Variants in ADAM22 observed in about 807,000 individuals in gnomAD.
ADAM22 encodes disintegrin and metalloproteinase domain-containing protein 22.
ADAM22 carries 65 observed loss-of-function variants against 144.6 expected under a neutral mutation model. The observed-to-expected ratio is 0.45, with a 90% CI of 0.37 to 0.55. The LOEUF (loss-of-function observed/expected upper bound fraction) is 0.55, where lower values mean the gene tolerates loss of function less well. Ranked by LOEUF, ADAM22 falls within the 20% of genes least tolerant of loss-of-function variation. The pLI, the probability that ADAM22 is intolerant of heterozygous loss-of-function variation, is 0.00. For synonymous variants in ADAM22, 391 were observed against 412.6 expected, an observed-to-expected ratio of 0.95 and a Z score of 0.63; for missense variants, 974 against 1,184.9, an observed-to-expected ratio of 0.82 and a Z score of 2.61.
At chr7:88,086,667 A>G (rs1253871507) in intron 4 of ADAM22, among the ~76,000 whole-genome samples, 12 of 152,242 alleles carry the variant, frequency 7.9e-5, no homozygotes, top group Non-Finnish European at 1.6e-4. Context: ...ATTTTAAAGT[A>G]AAGCCTCAAC....
intron 2 of ADAM22, among the ~76,000 whole-genome samples, chr7:87,965,350 G>T (rs1354712905): frequency 6.6e-6 from 1 of 152,032 alleles, no homozygotes; most frequent in African/African-American, 2.4e-5. Flanking sequence ...CTATATCCTT[G>T]GAAAACTTTT....
At chr7:88,151,210 A>G (rs1314977338) in intron 19 of ADAM22, 47 bp from the exon 20 acceptor site, 2 of 1,606,122 alleles carry the variant, frequency 1.2e-6, no homozygotes, top group African/African-American at 1.3e-5. Flanking sequence ...GTTATCTGAC[A>G]TAAGCAGATA....
intron 3 of ADAM22, among the ~76,000 whole-genome samples, chr7:88,067,922 T>C (rs1811710657): frequency 6.6e-6 from 1 of 152,180 alleles, no homozygotes; most frequent in African/African-American, 2.4e-5. Context: ...GGAAAAGTAA[T>C]TAAGTGAAAC....
chr7:88,193,117 A>T lies in ADAM22; in HGVS notation c.2752A>T (p.Thr918Ser). Residue 918 changes from threonine (T) to serine (S), a missense_variant and splice_region_variant, in exon 31 of 32, where the codon ACT becomes TCT. Physicochemically the swap from Thr to Ser is moderately conservative, Grantham distance 58 (BLOSUM62 1). Transcript: ENST00000413139. ...TAATTCATGTTCTCAACATCTCAGG[A>T]CTTTATCTCCTGCCAAGTCTCCTTC... The part of the protein sequence containing the change: ...NKNTEGPYFR[T>S]LSPAKSPSSS... 6 of 1,613,942 alleles carry T rather than the reference A, an allele frequency of 3.7e-6. No individual in the cohort carries two copies. Among genetic ancestry groups the T allele is most frequent in the Non-Finnish European group, 5.1e-6 (6 of 1,179,898 alleles).
At chr7:88,029,667 T>C (rs1799790261) in intron 3 of ADAM22, among the ~76,000 whole-genome samples, 1 of 152,196 alleles carries the variant, frequency 6.6e-6, no homozygotes, top group South Asian at 2.1e-4. Context: ...CTGGTGTTGA[T>C]GAAATCACTC....
chr7:88,046,012 T>G (rs892194174), intron 3 of ADAM22, among the ~76,000 whole-genome samples: 1 of 151,490 alleles, frequency 6.6e-6, no homozygotes, highest in Non-Finnish European at 1.5e-5. Context: ...TTGCGAATAG[T>G]GCTGTAATAA....
intron 3 of ADAM22, among the ~76,000 whole-genome samples, chr7:87,981,023 T>TTA (rs1853281095): frequency 6.6e-6 from 1 of 152,214 alleles, no homozygotes; most frequent in South Asian, 2.1e-4. Context: ...GTAACTCTAT[T>TTA]ATCTGAGCAA....
intron 3 of ADAM22, among the ~76,000 whole-genome samples, chr7:88,041,121 T>C (rs547848097): frequency 1.0e-3 from 153 of 152,074 alleles, no homozygotes; most frequent in African/African-American, 3.6e-3. Context: ...AGTCAGCTGA[T>C]AAAGGACCTT....
chr7:87,993,280 A>G lies in ADAM22; in HGVS notation c.323+14868A>G, dbSNP rs572006359. 5.9e-5 allele frequency among the ~76,000 whole-genome samples: 9 copies of G among 152,350 alleles called. No individual in the cohort carries two copies. In the South Asian group the frequency reaches 1.9e-3, roughly 32 times the overall value. On this transcript the variant is annotated intron_variant, in intron 3 of 31. Coordinates refer to ENST00000413139, the MANE Select transcript of ADAM22 (RefSeq NM_001324418.2). ...GATCCAACAGGTGCTCCCTTTATCA[A>G]AAATAATGAGGCATGTAACAGTAAA... is the stretch of plus-strand genomic sequence containing the variant.
intron 26 of ADAM22, among the ~76,000 whole-genome samples, chr7:88,171,872 T>G (rs964044633): frequency 6.6e-6 from 1 of 151,830 alleles, no homozygotes; most frequent in Non-Finnish European, 1.5e-5. Flanking sequence ...AAACTTCCTC[T>G]ATGTTAAGGT....
intron 2 of ADAM22, among the ~76,000 whole-genome samples, chr7:87,947,697 A>G (rs556675290): frequency 1.3e-5 from 2 of 152,310 alleles, no homozygotes; most frequent in South Asian, 4.1e-4. Flanking sequence ...TCAATTTAAT[A>G]TGACATCTAC....
At chr7:88,063,096 C>G (rs771542205) in intron 3 of ADAM22, among the ~76,000 whole-genome samples, 1 of 152,072 alleles carries the variant, frequency 6.6e-6, no homozygotes, top group African/African-American at 2.4e-5. Context: ...TGGAAAATGG[C>G]GCTGATAGAC....
At chr7:88,059,887 A>T (rs978100375) in intron 3 of ADAM22, among the ~76,000 whole-genome samples, 2 of 152,184 alleles carry the variant, frequency 1.3e-5, no homozygotes, top group Non-Finnish European at 2.9e-5. Context: ...GGATGGGGAC[A>T]AACGTTGAAA....
At chr7:88,030,809 C>G (rs1012426334) in intron 3 of ADAM22, among the ~76,000 whole-genome samples, 1 of 152,092 alleles carries the variant, frequency 6.6e-6, no homozygotes, top group Non-Finnish European at 1.5e-5. Context: ...CCTGCAGAAC[C>G]ATGAACTGAT....
At position 88,113,662 on chromosome 7, in the gene ADAM22, G is replaced by A. The variant is rs866328737; in HGVS notation, c.474-922G>A. Reference sequence around the variant, plus strand: ...GTCATATGTATGTGTATGTGTGTGTGTATATATATATATAATATATATATT... The same window carrying A: ...GTCATATGTATGTGTATGTGTGTGTATATATATATATATAATATATATATT... On this transcript the variant is annotated intron_variant, in intron 5 of 31. Transcript: ENST00000413139. Among the ~76,000 whole-genome samples, 371 of 106,902 alleles carry A rather than the reference G, an allele frequency of 3.5e-3. 11 individuals carry two copies. Among genetic ancestry groups the A allele is most frequent in the African/African-American group, 0.014 (357 of 25,252 alleles). 70.1% of individuals were successfully genotyped at this position (106,902 alleles called of 152,430 possible).
intron 2 of ADAM22, among the ~76,000 whole-genome samples, chr7:87,965,285 C>T (rs1848797109): frequency 6.6e-6 from 1 of 152,130 alleles, no homozygotes; most frequent in Admixed American, 6.5e-5. Flanking sequence ...GACTTAACTG[C>T]TTTTATTTTT....
At chr7:87,986,502 T>G (rs970156142) in intron 3 of ADAM22, among the ~76,000 whole-genome samples, 1 of 152,132 alleles carries the variant, frequency 6.6e-6, no homozygotes, top group Non-Finnish European at 1.5e-5. Context: ...GAAGGGGTAT[T>G]TGGAAGGAAT....
chr7:87,987,205 G>A (rs1788691796), intron 3 of ADAM22, among the ~76,000 whole-genome samples: 1 of 152,034 alleles, frequency 6.6e-6, no homozygotes, highest in Admixed American at 6.6e-5. Context: ...TTTTTGGACA[G>A]TCTCACTCTG....
chr7:88,180,988 C>T (rs1246755744), intron 27 of ADAM22, among the ~76,000 whole-genome samples: 2 of 152,002 alleles, frequency 1.3e-5, no homozygotes, highest in Non-Finnish European at 2.9e-5. Context: ...GAGAAAAATG[C>T]CAATTCTTAG....
Sources: allele counts gnomAD v4.1 joint callset (sites outside exome capture counted in the v4.1 genomes callset), GRCh38; gene constraint gnomAD v4.1.1; transcripts MANE v1.5; gene names NCBI Gene and HGNC (gene_info 2026-07-23, HGNC 2026-07-21).